Variants in LINGO2 observed in about 807,000 individuals in gnomAD.
The protein encoded by LINGO2 is leucine-rich repeat and immunoglobulin-like domain-containing nogo receptor-interacting protein 2.
A neutral mutation model predicts 30.6 loss-of-function variants in LINGO2; 14 were observed. That is an observed-to-expected ratio of 0.46 (90% confidence interval 0.30 to 0.72). The LOEUF is 0.72. LINGO2 is among the 30% of genes least tolerant of loss of function. The pLI, the probability that LINGO2 is intolerant of heterozygous loss-of-function variation, is 0.07. For missense variants in LINGO2, 729 were observed against 751.7 expected, an observed-to-expected ratio of 0.97 and a Z score of 0.35; for synonymous variants, 317 against 288.5, an observed-to-expected ratio of 1.10 and a Z score of -1.00.
intron 1 of LINGO2, among the ~76,000 whole-genome samples, chr9:28,487,443 T>C (rs1826216326): frequency 6.6e-6 from 1 of 152,202 alleles, no homozygotes; most frequent in East Asian, 1.9e-4. Context: ...TTGGGTCATA[T>C]GCATAACAAT....
At chr9:28,349,240 G>C (rs960703745) in intron 3 of LINGO2, among the ~76,000 whole-genome samples, 1 of 150,706 alleles carries the variant, frequency 6.6e-6, no homozygotes, top group African/African-American at 2.4e-5. Context: ...CAAAGAAGTT[G>C]AAAACTTTGA....
the LINGO2 span, among the ~76,000 whole-genome samples, chr9:29,062,255 A>G: frequency 6.6e-6 from 1 of 152,140 alleles, no homozygotes; most frequent in Non-Finnish European, 1.5e-5. Context: ...AAAATGGTAC[A>G]GCCATTATGG....
At chr9:28,304,744 T>G (rs1426056806) in intron 3 of LINGO2, among the ~76,000 whole-genome samples, 4 of 152,004 alleles carry the variant, frequency 2.6e-5, no homozygotes, top group Non-Finnish European at 5.9e-5. Flanking sequence ...ATTAGAAACT[T>G]TACCAAACAA....
At chr9:28,657,187 A>C (rs918642398) in intron 1 of LINGO2, among the ~76,000 whole-genome samples, 6 of 152,080 alleles carry the variant, frequency 3.9e-5, no homozygotes, top group Non-Finnish European at 7.4e-5. Context: ...TTGGTAATAT[A>C]TATATAACAA....
At chr9:28,837,221 T>A in the LINGO2 span, among the ~76,000 whole-genome samples, 1 of 152,160 alleles carries the variant, frequency 6.6e-6, no homozygotes, top group Non-Finnish European at 1.5e-5. Context: ...GCACAGAACA[T>A]CCATTCTTCC....
chr9:28,001,061 G>T (rs770863677), intron 5 of LINGO2, among the ~76,000 whole-genome samples: 1 of 152,102 alleles, frequency 6.6e-6, no homozygotes, highest in Non-Finnish European at 1.5e-5. Flanking sequence ...ATCTGTTTGG[G>T]ATCTATAATC....
intron 4 of LINGO2, among the ~76,000 whole-genome samples, chr9:28,033,434 T>C (rs1318406783): frequency 6.6e-6 from 1 of 152,186 alleles, no homozygotes; most frequent in African/African-American, 2.4e-5. Flanking sequence ...CCTGCTGTTC[T>C]GCCCTACTGA....
chr9:29,189,067 C>T, the LINGO2 span, among the ~76,000 whole-genome samples: 1 of 108,130 alleles, frequency 9.2e-6, no homozygotes, highest in African/African-American at 3.2e-5. Context: ...GCTGACCCCC[C>T]CCACCTCCAT....
Position 28,630,019 on chromosome 9 carries a change from G to A in LINGO2, c.-365+40181C>T, listed in dbSNP as rs566666031. Reference sequence around the variant, plus strand: ...TTCCCACCTATGAGTGAGAATATGCGGTGTTTGGTTTTTGTTCTTGGGATA... The same window carrying A: ...TTCCCACCTATGAGTGAGAATATGCAGTGTTTGGTTTTTGTTCTTGGGATA... On this transcript the variant is annotated intron_variant, in intron 1 of 5. Coordinates refer to ENST00000379992, the Ensembl canonical transcript of LINGO2. Among the ~76,000 whole-genome samples, 755 of 147,968 alleles carry A rather than the reference G, an allele frequency of 5.1e-3. 6 individuals carry two copies. The highest frequency in any genetic ancestry group is 0.018 in the African/African-American group (720 of 40,302).
chr9:28,357,315 G>GGGCCC (rs796282898), intron 3 of LINGO2, among the ~76,000 whole-genome samples: 1 of 66,060 alleles, frequency 1.5e-5, no homozygotes, highest in Non-Finnish European at 3.5e-5. Context: ...CAGAAATAAA[G>GGGCCC]CCCACCCCCC....
the LINGO2 span, among the ~76,000 whole-genome samples, chr9:28,919,817 A>G: frequency 6.6e-6 from 1 of 152,344 alleles, no homozygotes; most frequent in South Asian, 2.1e-4. Context: ...GCAGGCCCAC[A>G]CAACCACTGC....
rs1332085180 is a variant in LINGO2 at position 28,632,867 on chromosome 9, TATATATATATATGTAGAGAG to T, written c.-365+37313_-365+37332del. On this transcript the variant is annotated intron_variant, in intron 1 of 5. Transcript: ENST00000379992. ...TCTATATATATTTTTTATATATATA[TATATATATATATGTAGAGAG>T]AGAGAGAGAGAGAGAGAGAGAGAGA... 1.3e-3 allele frequency among the ~76,000 whole-genome samples: 144 copies of T among 109,124 alleles called. 9 individuals carry two copies. The highest frequency in any genetic ancestry group is 5.4e-3 in the African/African-American group (138 of 25,684). The allele number at this position is 109,124 out of a possible 152,430, so 71.6% of individuals were successfully genotyped here. A position where few individuals can be genotyped will look rare whatever the true frequency, so the allele number is the denominator to read the frequency against.
At chr9:28,176,482 T>C (rs1386652572) in intron 4 of LINGO2, among the ~76,000 whole-genome samples, 1 of 152,136 alleles carries the variant, frequency 6.6e-6, no homozygotes, top group Non-Finnish European at 1.5e-5. Flanking sequence ...TCATTGGGGG[T>C]AAAATAACCT....
At chr9:29,032,445 A>G in the LINGO2 span, among the ~76,000 whole-genome samples, 1 of 152,196 alleles carries the variant, frequency 6.6e-6, no homozygotes. Context: ...GTAGAATTAA[A>G]AAATCAGTGT....
At chr9:27,971,068 G>C (rs974317042) in intron 5 of LINGO2, among the ~76,000 whole-genome samples, 1 of 151,764 alleles carries the variant, frequency 6.6e-6, no homozygotes. Flanking sequence ...CTAGCAAATG[G>C]TGGTTCTCCT....
intron 4 of LINGO2, among the ~76,000 whole-genome samples, chr9:28,193,568 T>A (rs1382394035): frequency 6.6e-6 from 1 of 152,126 alleles, no homozygotes; most frequent in East Asian, 1.9e-4. Context: ...AAGCTATTGA[T>A]AGAAAGGTAA....
intron 4 of LINGO2, among the ~76,000 whole-genome samples, chr9:28,219,679 G>A (rs763400565): frequency 3.9e-5 from 6 of 152,078 alleles, no homozygotes; most frequent in African/African-American, 7.2e-5. Flanking sequence ...CTGTGAATTC[G>A]TAGGTTTATA....
At chr9:27,987,812 T>TAC (rs1247578595) in intron 5 of LINGO2, among the ~76,000 whole-genome samples, 5 of 151,828 alleles carry the variant, frequency 3.3e-5, no homozygotes, top group African/African-American at 4.8e-5. Context: ...AATATATATA[T>TAC]ACACACACAC....
the LINGO2 span, among the ~76,000 whole-genome samples, chr9:28,890,160 G>A: frequency 6.6e-6 from 1 of 151,062 alleles, no homozygotes; most frequent in East Asian, 2.0e-4. Context: ...GTCCTATCTA[G>A]GAATTGGCAG....
Sources: allele counts gnomAD v4.1 joint callset (sites outside exome capture counted in the v4.1 genomes callset), GRCh38; gene constraint gnomAD v4.1.1; transcripts MANE v1.5; gene names NCBI Gene and HGNC (gene_info 2026-07-23, HGNC 2026-07-21).